GFRA4: variants seen among roughly 807,000 people sequenced by gnomAD.
The protein encoded by GFRA4 is GDNF family receptor alpha-4.
GFRA4 carries 31 observed loss-of-function variants against 28.5 expected under a neutral mutation model. The observed-to-expected ratio is 1.09, with a 90% confidence interval of 0.82 to 1.47. The LOEUF is 1.47. Ranked by LOEUF, GFRA4 falls within the 40% of genes most tolerant of loss-of-function variation. The pLI is 0.00. For synonymous variants in GFRA4, 188 were observed against 188.0 expected (o/e 1.00, Z 0.00); for missense variants, 389 against 413.2 (o/e 0.94, Z 0.51).
At position 3,660,181 on chromosome 20, in the gene GFRA4, C is replaced by A. The variant is rs755723552; in HGVS notation, c.706G>T (p.Asp236Tyr). 6.3e-7 allele frequency: 1 copy of A among 1,596,426 alleles called. No homozygotes were observed. The highest frequency in any genetic ancestry group is 1.1e-5 in the South Asian group (1 of 87,838). ...ACCTGCAGGAGGCTGTGCTCCGGGTCTCCCTGGGGGTTCAGCTGGTCCAGC... is the reference window on the plus strand; with the variant it reads ...ACCTGCAGGAGGCTGTGCTCCGGGTATCCCTGGGGGTTCAGCTGGTCCAGC... The part of the protein sequence containing the change: ...VLLDQLNPQG[D>Y]PEHSLLQVSS... Residue 236 changes from aspartate (D) to tyrosine (Y), a missense_variant, in exon 5 of 6, where the codon GAC becomes TAC. By Grantham distance (160) the Asp-to-Tyr change is radical. Transcript: ENST00000290417.
At chr20:3,662,546 T>C (rs1229450966) in intron 1 of GFRA4, among the ~76,000 whole-genome samples, 1 of 152,158 alleles carries the variant, frequency 6.6e-6, no homozygotes, top group Non-Finnish European at 1.5e-5. Flanking sequence ...AGGCTGTGGA[T>C]TGGACCGCGT....
Position 3,661,186 on chromosome 20 carries a change from G to T in GFRA4, c.150C>A (p.Cys50Ter), listed in dbSNP as rs1411519265. ...AGCCCCCCTGCGCAGCCCGGCCCAG[G>T]CACTGCGCCACATACTCGGAGCGCA... ...QRLRSEYVAQ[C>*]LGRAAQGGCP... Residue 50 changes from cysteine (C) to a stop codon, truncating the protein, a stop_gained, in exon 2 of 6, where the codon TGC becomes TGA. Transcript: ENST00000290417. LOFTEE classifies it high-confidence loss of function. 2.7e-6 allele frequency: 4 copies of T among 1,481,372 alleles called. No homozygotes were observed. The African/African-American group carries it at 5.8e-5, about 22-fold the overall frequency. 91.8% of individuals were successfully genotyped at this position (1,481,372 alleles called of 1,614,324 possible).
chr20:3,662,419 G>T (rs75532099), intron 1 of GFRA4, among the ~76,000 whole-genome samples: 1 of 152,152 alleles, frequency 6.6e-6, no homozygotes, highest in Non-Finnish European at 1.5e-5. Context: ...CTGAGTGGAC[G>T]TGCACAGCCT....
Position 3,660,844 on chromosome 20 carries a change from T to C in GFRA4, c.413A>G (p.Gln138Arg). 1 of 1,426,906 alleles carries C rather than the reference T, an allele frequency of 7.0e-7. No individual in the cohort carries two copies. Among genetic ancestry groups the C allele is most frequent in the Non-Finnish European group, 9.1e-7 (1 of 1,101,898 alleles). 88.4% of individuals were successfully genotyped at this position (1,426,906 alleles called of 1,614,324 possible). ...GCTGGGCGCTGGGGTGCACGAGACCTGAAAGGCCAGGAGGCGAGGCCTGCG... is the reference window on the plus strand; with the variant it reads ...GCTGGGCGCTGGGGTGCACGAGACCCGAAAGGCCAGGAGGCGAGGCCTGCG... ...RVCRPRLLAF[Q>R]VSCTPAPSAP... Residue 138 changes from glutamine to arginine, a missense_variant, in exon 3 of 6, where the codon CAG becomes CGG. By Grantham distance (43) the Gln-to-Arg change is conservative. Transcript: ENST00000290417.
Position 3,660,698 on chromosome 20 carries a change from G to A in GFRA4, c.503-38C>T, listed in dbSNP as rs764787260. The A allele has an allele frequency of 9.2e-6, 14 of 1,525,546 alleles. No homozygotes were observed. The East Asian group carries it at 2.3e-4, about 25-fold the overall frequency. 94.5% of individuals were successfully genotyped at this position (1,525,546 alleles called of 1,614,324 possible). A position where few individuals can be genotyped will look rare whatever the true frequency, so the allele number is the denominator to read the frequency against. Reference sequence around the variant, plus strand: ...TGAGGGCGAAGTCATCGGCCCACCCGGGCGGAGATATCCCCTGGAGAACCC... The same window carrying A: ...TGAGGGCGAAGTCATCGGCCCACCCAGGCGGAGATATCCCCTGGAGAACCC... On this transcript the variant is annotated intron_variant, in intron 3 of 5. Transcript: ENST00000290417.
intron 5 of GFRA4, 84 bp from the exon 6 acceptor site, chr20:3,660,073 C>A: frequency 6.6e-7 from 1 of 1,515,342 alleles, no homozygotes; most frequent in Non-Finnish European, 8.9e-7. Flanking sequence ...GCCCTTCATG[C>A]CTCCACCCAG....
intron 1 of GFRA4, among the ~76,000 whole-genome samples, chr20:3,663,043 G>T (rs578188696): frequency 6.6e-6 from 1 of 152,330 alleles, no homozygotes; most frequent in Non-Finnish European, 1.5e-5. Flanking sequence ...GGGTAGGAGG[G>T]CTGGGGCTGA....
Position 3,660,514 on chromosome 20 carries a change from C to G in GFRA4, c.637+12G>C, listed in dbSNP as rs768875622. On this transcript the variant is annotated intron_variant, in intron 4 of 5. Coordinates refer to ENST00000290417, the MANE Select transcript of GFRA4 (RefSeq NM_022139.4). Reference sequence around the variant, plus strand: ...CCCCCACTCCCCCTCCACTCCCCCCCGGGCCCCTCACCCAAGCAGCGGTTC... The same window carrying G: ...CCCCCACTCCCCCTCCACTCCCCCCGGGGCCCCTCACCCAAGCAGCGGTTC... 24 of 1,546,780 alleles carry G rather than the reference C, an allele frequency of 1.6e-5. No homozygotes were observed. In the East Asian group the frequency reaches 2.9e-4, roughly 19 times the overall value.
rs1292905251 is a variant in GFRA4 at position 3,660,785 on chromosome 20, G to A, written c.472C>T (p.Arg158Cys). 5 of 1,416,212 alleles carry A rather than the reference G, an allele frequency of 3.5e-6. No individual in the cohort carries two copies. Among genetic ancestry groups the A allele is most frequent in the Non-Finnish European group, 3.7e-6 (4 of 1,095,542 alleles). 87.7% of individuals were successfully genotyped at this position (1,416,212 alleles called of 1,614,324 possible). A position where few individuals can be genotyped will look rare whatever the true frequency, so the allele number is the denominator to read the frequency against. The change falls in exon 3 of 6, where the codon CGC becomes TGC. Residue 158 changes from arginine to cysteine, a missense_variant. By Grantham distance (180) the Arg-to-Cys change is radical. Coordinates refer to ENST00000290417, the MANE Select transcript of GFRA4 (RefSeq NM_022139.4). Reference protein sequence around the residue: ...PDGCLLDQGARCLRAYAGLVG... With the variant: ...PDGCLLDQGACCLRAYAGLVG... Reference sequence around the variant, plus strand: ...AGGCCCGCGTAGGCGCGCAGGCAGCGGGCGCCCTGGTCCAGCAGGCAGCCG... The same window carrying A: ...AGGCCCGCGTAGGCGCGCAGGCAGCAGGCGCCCTGGTCCAGCAGGCAGCCG...
At position 3,661,142 on chromosome 20, in the gene GFRA4, C is replaced by A. The variant is rs1319145260; in HGVS notation, c.194G>T (p.Arg65Leu). 15 of 1,330,140 alleles carry A rather than the reference C, an allele frequency of 1.1e-5. No homozygotes were observed. The highest frequency in any genetic ancestry group is 1.4e-5 in the Non-Finnish European group (15 of 1,047,876). The allele number at this position is 1,330,140 out of a possible 1,614,324, so 82.4% of individuals were successfully genotyped here. ...GGCGAAGAAGCGGCGCAGGGCCCGG[C>A]GGCAGCGGGCGCGGGGACAGCCCCC... ...AQGGCPRARC[R>L]RALRRFFARG... The change falls in exon 2 of 6, where the codon CGC (arginine) becomes CTC (leucine). Residue 65 changes from arginine (R) to leucine (L), a missense_variant. Physicochemically the swap from Arg to Leu is moderately radical, Grantham distance 102. Coordinates refer to ENST00000290417, the MANE Select transcript of GFRA4 (RefSeq NM_022139.4).
In GFRA4 at chr20:3,660,940, G is replaced by A. The variant is rs969968832; in HGVS notation, c.392+4C>T. On this transcript the variant is annotated splice_donor_region_variant and intron_variant, in intron 2 of 5. Transcript: ENST00000290417. ...GCCACGGCCCCGCCGCCGCCCGCGCGCACCTGCAGACCCGGCTGCGCTCGC... is the reference window on the plus strand; with the variant it reads ...GCCACGGCCCCGCCGCCGCCCGCGCACACCTGCAGACCCGGCTGCGCTCGC... The A allele has an allele frequency of 7.3e-7, 1 of 1,376,938 alleles. No homozygotes were observed. The highest frequency in any genetic ancestry group is 9.3e-7 in the Non-Finnish European group (1 of 1,075,794). 85.3% of individuals were successfully genotyped at this position (1,376,938 alleles called of 1,614,324 possible). A position where few individuals can be genotyped will look rare whatever the true frequency, so the allele number is the denominator to read the frequency against.
rs1179012562 is a variant in GFRA4, at chr20:3,661,243, T to G, written c.93A>C (p.Glu31Asp). ...VGGNRCVDAA[E>D]ACTADARCQR... ...GGCACCGCGCGTCCGCCGTGCAGGC[T>G]TCGGCCGCGTCCACACATCGGTTCC... The change falls in exon 2 of 6, where the codon GAA becomes GAC. Residue 31 changes from glutamate (E) to aspartate (D), a missense_variant. Coordinates refer to ENST00000290417, the MANE Select transcript of GFRA4 (RefSeq NM_022139.4). The G allele has an allele frequency of 6.7e-7, 1 of 1,501,178 alleles. No homozygotes were observed. Among genetic ancestry groups the G allele is most frequent in the African/African-American group, 1.4e-5 (1 of 69,276 alleles). The allele number at this position is 1,501,178 out of a possible 1,614,324, so 93.0% of individuals were successfully genotyped here. A position where few individuals can be genotyped will look rare whatever the true frequency, so the allele number is the denominator to read the frequency against.
At position 3,660,811 on chromosome 20, in the gene GFRA4, T is replaced by C. The variant is rs2087211731; in HGVS notation, c.446A>G (p.Asp149Gly). The change falls in exon 3 of 6, where the codon GAC (aspartate) becomes GGC (glycine). Residue 149 changes from aspartate (D) to glycine (G), a missense_variant. By Grantham distance (94) the Asp-to-Gly change is moderately conservative. Coordinates refer to ENST00000290417, the MANE Select transcript of GFRA4 (RefSeq NM_022139.4). Reference sequence around the variant, plus strand: ...GGCGCCCTGGTCCAGCAGGCAGCCGTCGGGGGCGCTGGGCGCTGGGGTGCA... The same window carrying C: ...GGCGCCCTGGTCCAGCAGGCAGCCGCCGGGGGCGCTGGGCGCTGGGGTGCA... ...VSCTPAPSAPDGCLLDQGARC... is the reference protein window; with the variant it reads ...VSCTPAPSAPGGCLLDQGARC... The C allele has an allele frequency of 6.4e-6, 9 of 1,414,354 alleles. No individual in the cohort carries two copies. The highest frequency in any genetic ancestry group is 8.2e-6 in the Non-Finnish European group (9 of 1,096,672). The allele number at this position is 1,414,354 out of a possible 1,614,324, so 87.6% of individuals were successfully genotyped here.
In GFRA4 at chr20:3,660,823, G is replaced by C. The variant is rs748247275; in HGVS notation, c.434C>G (p.Pro145Arg). ...CAGCAGGCAGCCGTCGGGGGCGCTGGGCGCTGGGGTGCACGAGACCTGAAA... is the reference window on the plus strand; with the variant it reads ...CAGCAGGCAGCCGTCGGGGGCGCTGCGCGCTGGGGTGCACGAGACCTGAAA... ...LAFQVSCTPA[P>R]SAPDGCLLDQ... Residue 145 changes from proline (P) to arginine (R), a missense_variant, in exon 3 of 6, where the codon CCC (proline) becomes CGC (arginine). By Grantham distance (103) the Pro-to-Arg change is moderately radical. Transcript: ENST00000290417. 18 of 1,415,108 alleles carry C rather than the reference G, an allele frequency of 1.3e-5. No individual in the cohort carries two copies. In the Admixed American group the frequency reaches 5.9e-4, roughly 47 times the overall value. The allele number at this position is 1,415,108 out of a possible 1,614,324, so 87.7% of individuals were successfully genotyped here.
rs1288032009 is a variant in GFRA4, at chr20:3,661,072, G to A, written c.264C>T (p.Cys88=). 8 of 1,441,858 alleles carry A rather than the reference G, an allele frequency of 5.5e-6. No individual in the cohort carries two copies. Among genetic ancestry groups the A allele is most frequent in the African/African-American group, 1.5e-5 (1 of 66,704 alleles). The allele number at this position is 1,441,858 out of a possible 1,614,324, so 89.3% of individuals were successfully genotyped here. ...GACGCTCGGCGCACGCGGGGCCCGC[G>A]CACGGGCAGAAGAGCAGTGCGTGGG... is the stretch of plus-strand genomic sequence containing the variant. The part of the protein sequence containing the change: ...ALTHALLFCP[C]AGPACAERRR... The change falls in exon 2 of 6, where the codon TGC becomes TGT. Residue 88 remains cysteine (C), a synonymous_variant. Coordinates refer to ENST00000290417, the MANE Select transcript of GFRA4 (RefSeq NM_022139.4).
intron 1 of GFRA4, among the ~76,000 whole-genome samples, chr20:3,661,684 A>T (rs2087226976): frequency 6.6e-6 from 1 of 152,178 alleles, no homozygotes; most frequent in Admixed American, 6.5e-5. Flanking sequence ...TGGCCAATGG[A>T]GACTTTAAAA....
intron 1 of GFRA4, 149 bp from the exon 2 acceptor site, chr20:3,661,438 G>C: frequency 1.6e-6 from 2 of 1,274,108 alleles, no homozygotes; most frequent in Non-Finnish European, 2.0e-6. Flanking sequence ...GGCACTGATC[G>C]GCTCTCCGTC....
In GFRA4 at chr20:3,660,233, G is replaced by A. The variant is rs769968310; in HGVS notation, c.654C>T (p.Ala218=). The A allele has an allele frequency of 1.2e-6, 2 of 1,605,876 alleles. No homozygotes were observed. The highest frequency in any genetic ancestry group is 1.7e-6 in the Non-Finnish European group (2 of 1,176,692). Residue 218 remains alanine, a synonymous_variant, in exon 5 of 6, where the codon GCC becomes GCT. Transcript: ENST00000290417. Reference sequence around the variant, plus strand: ...GGACTGGGGGCCACCCGCTGGCAAAGGCCTGAATGGCACCATCTATGGAGG... The same window carrying A: ...GGACTGGGGGCCACCCGCTGGCAAAAGCCTGAATGGCACCATCTATGGAGG... ...RNRCLDGAIQ[A]FASGWPPVLL... is the part of the protein sequence containing the mutation.
chr20:3,659,586 G>T lies in GFRA4; in HGVS notation c.*323C>A. 1 of 414,000 alleles carries T rather than the reference G, an allele frequency of 2.4e-6. No individual in the cohort carries two copies. The highest frequency in any genetic ancestry group is 4.4e-6 in the Non-Finnish European group (1 of 227,500). 25.6% of individuals were successfully genotyped at this position (414,000 alleles called of 1,614,324 possible). ...TCTAGGGGATCTGGGTCTCCAGAGA[G>T]GTCTCAGCTACAAAAGTGACCCTCT... On this transcript the variant is annotated 3_prime_UTR_variant, in exon 6 of 6. Transcript: ENST00000290417.
Sources: gnomAD v4.1 joint callset for allele counts (sites outside exome capture counted in the v4.1 genomes callset) on GRCh38, gnomAD v4.1.1 for gene constraint, MANE v1.5 for transcripts, NCBI Gene and HGNC (gene_info 2026-07-23, HGNC 2026-07-21) for gene names.